Variants in NBAS observed in about 807,000 individuals in gnomAD.
The protein encoded by NBAS is NAG/BC035112 fusion.
Under a neutral mutation model 302.5 loss-of-function variants are expected in NBAS, and 219 were observed. That is an observed-to-expected ratio of 0.72 (90% CI 0.65 to 0.81). The LOEUF (loss-of-function observed/expected upper bound fraction) is 0.81. NBAS is among the 30% of genes least tolerant of loss of function. The probability of loss-of-function intolerance (pLI) is 0.00; values close to 1 mark genes in which losing one functional copy is unlikely to be tolerated. For missense variants in NBAS, 2,932 were observed against 2,841.6 expected (o/e 1.03, Z -0.72); for synonymous variants, 1,118 against 1,021.6 (o/e 1.09, Z -1.80).
chr2:15,114,242 C>T, the NBAS span, among the ~76,000 whole-genome samples: 1 of 152,302 alleles, frequency 6.6e-6, no homozygotes. Context: ...TATTTCCTCA[C>T]AGCTCTGAAT....
the NBAS span, among the ~76,000 whole-genome samples, chr2:15,070,220 C>T: frequency 5.3e-5 from 8 of 152,276 alleles, no homozygotes; most frequent in African/African-American, 1.7e-4. Flanking sequence ...CCCCTTAAGT[C>T]CAGCCTCCAA....
At chr2:15,404,301 A>C (rs984341473) in intron 25 of NBAS, among the ~76,000 whole-genome samples, 10 of 152,120 alleles carry the variant, frequency 6.6e-5, no homozygotes, top group African/African-American at 2.4e-4. Flanking sequence ...ATTCAGGAAG[A>C]ATGAAAGAAA....
chr2:15,169,434 C>T (rs1376202540), intron 51 of NBAS, among the ~76,000 whole-genome samples: 1 of 152,206 alleles, frequency 6.6e-6, no homozygotes, highest in African/African-American at 2.4e-5. Context: ...CCTGTCTCTT[C>T]ATGCCTAGCA....
At chr2:14,804,322 C>T in the NBAS span, among the ~76,000 whole-genome samples, 5 of 152,162 alleles carry the variant, frequency 3.3e-5, no homozygotes, top group Non-Finnish European at 5.9e-5. Context: ...TACAATGGCC[C>T]CCAAGCATAG....
chr2:15,507,661 C>T lies in NBAS; in HGVS notation c.886-3448G>A, dbSNP rs1572944921. Among the ~76,000 whole-genome samples the T allele has an allele frequency of 3.9e-5, 6 of 152,252 alleles. No individual in the cohort carries two copies. The South Asian group carries it at 1.2e-3, about 32-fold the overall frequency. On this transcript the variant is annotated intron_variant, in intron 10 of 51. Transcript: ENST00000281513. ...CCACAGCCTGGGTCCTTCCTTTGTCCCAGCTACTGAATTCTAATCTGGTAC... is the reference window on the plus strand; with the variant it reads ...CCACAGCCTGGGTCCTTCCTTTGTCTCAGCTACTGAATTCTAATCTGGTAC...
At chr2:15,220,447 T>C (rs1027800711) in intron 47 of NBAS, among the ~76,000 whole-genome samples, 2 of 152,190 alleles carry the variant, frequency 1.3e-5, no homozygotes, top group African/African-American at 2.4e-5. Flanking sequence ...CTTTCTATCA[T>C]TTTCCCCAGA....
At chr2:14,836,846 T>A in the NBAS span, among the ~76,000 whole-genome samples, 4 of 151,858 alleles carry the variant, frequency 2.6e-5, no homozygotes, top group African/African-American at 9.7e-5. Context: ...TTTACTTCAG[T>A]ATTCATTAAT....
the NBAS span, among the ~76,000 whole-genome samples, chr2:15,067,411 AGGGGAGAGGAGGGGAGAGGAGGG>A: frequency 7.3e-5 from 1 of 13,726 alleles, no homozygotes; most frequent in South Asian, 6.3e-3. Flanking sequence ...AGGGGAGGGG[AGGGGAGAGGAGGGGAGAGGAGGG>A]GAGAGGAGGG....
chr2:15,330,466 C>T lies in NBAS; in HGVS notation c.4347+132G>A, dbSNP rs111861155. On this transcript the variant is annotated intron_variant, in intron 36 of 51. Transcript: ENST00000281513. The stretch of plus-strand genomic sequence containing the variant: ...AGATTACTCCCTATCTGATGAGAGG[C>T]CTACATTTCTTAAGAGATTGTTTTA... The T allele has an allele frequency of 6.1e-4, 710 of 1,161,518 alleles. 4 individuals carry two copies. In the African/African-American group the frequency reaches 9.3e-3, roughly 15 times the overall value. 72.0% of individuals were successfully genotyped at this position (1,161,518 alleles called of 1,614,324 possible). A position where few individuals can be genotyped will look rare whatever the true frequency, so the allele number is the denominator to read the frequency against.
At chr2:14,830,642 G>A in the NBAS span, among the ~76,000 whole-genome samples, 2 of 152,282 alleles carry the variant, frequency 1.3e-5, no homozygotes, top group South Asian at 2.1e-4. Flanking sequence ...GTGTAAATGA[G>A]TAGAAGAAAC....
At chr2:15,529,943 T>A (rs1663143496) in intron 9 of NBAS, among the ~76,000 whole-genome samples, 2 of 152,338 alleles carry the variant, frequency 1.3e-5, no homozygotes, top group South Asian at 4.1e-4. Context: ...TTGCAGCATA[T>A]ATGATTACAT....
Position 15,491,851 on chromosome 2 carries a change from A to G in NBAS, c.955-2829T>C, listed in dbSNP as rs539659326. Among the ~76,000 whole-genome samples the G allele has an allele frequency of 3.3e-5, 5 of 152,330 alleles. No homozygotes were observed. In the East Asian group the frequency reaches 7.7e-4, roughly 23 times the overall value. ...TAAAATTTACATTAAATCTATCAGTATATCTTGCTAATCTGTGTTTTGTGA... is the reference window on the plus strand; with the variant it reads ...TAAAATTTACATTAAATCTATCAGTGTATCTTGCTAATCTGTGTTTTGTGA... On this transcript the variant is annotated intron_variant, in intron 11 of 51. Transcript: ENST00000281513.
the NBAS span, among the ~76,000 whole-genome samples, chr2:15,136,724 T>C: frequency 6.6e-6 from 1 of 152,194 alleles, no homozygotes; most frequent in African/African-American, 2.4e-5. Context: ...GAATTGTAGT[T>C]CCCACGTGTC....
the NBAS span, among the ~76,000 whole-genome samples, chr2:15,119,304 T>C: frequency 2.3e-5 from 1 of 43,314 alleles, no homozygotes; most frequent in Non-Finnish European, 3.7e-5. Flanking sequence ...AAATCCTTTC[T>C]TTTTTTTTTT....
the NBAS span, among the ~76,000 whole-genome samples, chr2:15,129,034 C>T: frequency 5.3e-5 from 8 of 152,344 alleles, no homozygotes; most frequent in East Asian, 9.7e-4. Flanking sequence ...TGCCCATGGG[C>T]GGGCCCTGCC....
chr2:15,379,581 A>C (rs1357889724), intron 30 of NBAS, 21 bp downstream of exon 30: 1 of 1,599,928 alleles, frequency 6.3e-7, no homozygotes, highest in Non-Finnish European at 8.6e-7. Flanking sequence ...CATCTTAGGG[A>C]AGAATATAGA....
At chr2:15,183,474 C>T (rs1020483303) in intron 50 of NBAS, among the ~76,000 whole-genome samples, 3 of 152,164 alleles carry the variant, frequency 2.0e-5, no homozygotes, top group African/African-American at 7.2e-5. Context: ...TCTCTCATCC[C>T]GAGAGAATTA....
chr2:15,166,030 T>G (rs1411767603), downstream of NBAS, among the ~76,000 whole-genome samples: 1 of 152,184 alleles, frequency 6.6e-6, no homozygotes, highest in African/African-American at 2.4e-5. Context: ...CGGCTGCTGC[T>G]GTGGCTTCGA....
At chr2:15,534,846 A>G (rs758813523) in intron 8 of NBAS, among the ~76,000 whole-genome samples, 2 of 152,180 alleles carry the variant, frequency 1.3e-5, no homozygotes, top group Admixed American at 6.5e-5. Context: ...ATAAAAATAA[A>G]CTATGTCTCC....
Sources: allele counts gnomAD v4.1 joint callset (sites outside exome capture counted in the v4.1 genomes callset), GRCh38; gene constraint gnomAD v4.1.1; transcripts MANE v1.5; gene names NCBI Gene and HGNC (gene_info 2026-07-23, HGNC 2026-07-21).